The following AKAP13 variants were observed in gnomAD, a reference collection of about 807,000 sequenced individuals.
AKAP13 encodes the protein A-kinase anchor protein 13.
In AKAP13, 80 loss-of-function variants were observed where a neutral mutation model predicts 264.5. The observed-to-expected ratio is 0.30, with a 90% CI of 0.25 to 0.36. AKAP13 has a LOEUF of 0.36. AKAP13 is among the 10% of genes least tolerant of loss of function. The pLI is 1.00. For synonymous variants in AKAP13, 1,380 were observed against 1,250.2 expected, an observed-to-expected ratio of 1.10 and a Z score of -2.19; for missense variants, 3,712 against 3,435.2, an observed-to-expected ratio of 1.08 and a Z score of -2.01.
intron 3 of AKAP13, among the ~76,000 whole-genome samples, chr15:85,529,621 T>G (rs1023404023): frequency 1.8e-4 from 28 of 152,352 alleles, no homozygotes; most frequent in Admixed American, 1.4e-3. Context: ...CCCAGGTGCT[T>G]TATCAGAAAG....
rs555375249 is a variant in AKAP13, at chr15:85,662,480, C to T, written c.4800-2083C>T. On this transcript the variant is annotated intron_variant, in intron 12 of 36. Transcript: ENST00000394518. ...TATGATATTGTTATGTGTCCCGCCA[C>T]CAAATGGGGAACCATAAAATACGCC... The T allele has an allele frequency of 1.2e-5, 19 of 1,613,596 alleles. No homozygotes were observed. In the African/African-American group the frequency reaches 2.3e-4, roughly 19 times the overall value.
At chr15:85,533,465 G>A (rs2077302996) in intron 3 of AKAP13, 119 bp from the exon 4 acceptor site, 6 of 883,852 alleles carry the variant, frequency 6.8e-6, no homozygotes, top group Non-Finnish European at 9.7e-6. Flanking sequence ...AGGAAGGAGG[G>A]GGTGTTTTTT....
At chr15:85,465,399 G>A (rs1051411795) in intron 1 of AKAP13, among the ~76,000 whole-genome samples, 40 of 151,610 alleles carry the variant, frequency 2.6e-4, no homozygotes, top group African/African-American at 9.7e-4. Flanking sequence ...TGTGCACAAT[G>A]TGCAGGTTAG....
At chr15:85,733,745 GTT>G (rs1005828815) in intron 30 of AKAP13, among the ~76,000 whole-genome samples, 3 of 150,800 alleles carry the variant, frequency 2.0e-5, no homozygotes, top group African/African-American at 7.3e-5. Context: ...TTATATTCTA[GTT>G]TAGTTTTGAT....
intron 10 of AKAP13, among the ~76,000 whole-genome samples, chr15:85,648,936 G>A (rs966205178): frequency 1.1e-4 from 17 of 152,214 alleles, no homozygotes; most frequent in African/African-American, 4.1e-4. Flanking sequence ...GCATGCTTGA[G>A]AATGTCTGCA....
intron 1 of AKAP13, among the ~76,000 whole-genome samples, chr15:85,448,946 T>A (rs1237275973): frequency 6.6e-6 from 1 of 151,574 alleles, no homozygotes; most frequent in Non-Finnish European, 1.5e-5. Flanking sequence ...AAGAATGTCG[T>A]TGGTAGTTTA....
At chr15:85,397,108 T>C (rs1159072978) in intron 1 of AKAP13, among the ~76,000 whole-genome samples, 2 of 150,672 alleles carry the variant, frequency 1.3e-5, no homozygotes, top group Non-Finnish European at 3.0e-5. Context: ...AAAATACTTT[T>C]TAAGGTAATT....
chr15:85,581,725 G>C lies in AKAP13; in HGVS notation c.3657G>C (p.Pro1219=). 6.2e-7 allele frequency: 1 copy of C among 1,614,156 alleles called. No homozygotes were observed. The highest frequency in any genetic ancestry group is 8.5e-7 in the Non-Finnish European group (1 of 1,180,014). Residue 1219 remains proline, a synonymous_variant, in exon 7 of 37, where the codon CCG becomes CCC. Transcript: ENST00000394518. ...GTGTGAGGGAAGTCATGCGAGCCCC[G>C]CCTTCAGGCAGGGAAAGGAGCACTC... The part of the protein sequence containing the change: ...PAGVREVMRA[P]PSGRERSTPS...
Position 85,544,150 on chromosome 15 carries a change from CG to C in AKAP13, c.662+196del, listed in dbSNP as rs1176306335. On this transcript the variant is annotated intron_variant, in intron 5 of 36. Transcript: ENST00000394518. ...CATTGTCTGAGAGAGAAACGTAAGT[CG>C]TGTTAACCATTTTCTCTCTCGTCTG... is the stretch of plus-strand genomic sequence containing the variant. 115 of 719,334 alleles carry C rather than the reference CG, an allele frequency of 1.6e-4. No homozygotes were observed. The African/African-American group carries it at 1.9e-3, about 12-fold the overall frequency. The allele number at this position is 719,334 out of a possible 1,614,324, so 44.6% of individuals were successfully genotyped here.
chr15:85,650,768 AAAAAAAAAAAAAAAAAAAAAAAC>A (rs1324902094), intron 10 of AKAP13, among the ~76,000 whole-genome samples: 1 of 137,454 alleles, frequency 7.3e-6, no homozygotes, highest in Non-Finnish European at 1.6e-5. Flanking sequence ...AAAAAAAAAA[AAAAAAAAAAAAAAAAAAAAAAAC>A]AACAAAAACT....
chr15:85,524,311 G>A (rs911672768), intron 3 of AKAP13, among the ~76,000 whole-genome samples: 3 of 151,322 alleles, frequency 2.0e-5, no homozygotes, highest in African/African-American at 7.3e-5. Context: ...CTGAGCAGCT[G>A]GGATTACAGG....
chr15:85,569,949 C>T (rs550345100), intron 5 of AKAP13, among the ~76,000 whole-genome samples: 71 of 151,918 alleles, frequency 4.7e-4, no homozygotes, highest in African/African-American at 1.6e-3. Flanking sequence ...TGGTGGCGGG[C>T]GCCTGTAGTC....
rs2082580553 is a variant in AKAP13 at position 85,646,825 on chromosome 15, G to C, written c.4374+871G>C. 2.0e-5 allele frequency among the ~76,000 whole-genome samples: 3 copies of C among 152,284 alleles called. No homozygotes were observed. In the South Asian group the frequency reaches 6.2e-4, roughly 32 times the overall value. Reference sequence around the variant, plus strand: ...CTAAGGGAGGTGGGGAATGGGGGTAGTTTGCTTTCTTTTGCTTATATTTGT... The same window carrying C: ...CTAAGGGAGGTGGGGAATGGGGGTACTTTGCTTTCTTTTGCTTATATTTGT... On this transcript the variant is annotated intron_variant, in intron 10 of 36. Coordinates refer to ENST00000394518, the MANE Select transcript of AKAP13 (RefSeq NM_007200.5).
intron 14 of AKAP13, among the ~76,000 whole-genome samples, chr15:85,671,575 T>C (rs576637740): frequency 4.6e-5 from 7 of 151,758 alleles, no homozygotes; most frequent in Non-Finnish European, 1.0e-4. Flanking sequence ...CGGAGACTTA[T>C]TTTCAAAGAT....
Position 85,521,492 on chromosome 15 carries a change from A to G in AKAP13, c.98A>G (p.Tyr33Cys). 1.2e-6 allele frequency: 2 copies of G among 1,614,098 alleles called. No individual in the cohort carries two copies. The highest frequency in any genetic ancestry group is 3.3e-5 in the Admixed American group (2 of 60,020). The change falls in exon 3 of 37, where the codon TAC (tyrosine) becomes TGC (cysteine). Residue 33 changes from tyrosine (Y) to cysteine (C), a missense_variant. Physicochemically the swap from Tyr to Cys is radical, Grantham distance 194. Transcript: ENST00000394518. Reference protein sequence around the residue: ...EDKAEDDVVFYLVFLGSTLRH... With the variant: ...EDKAEDDVVFCLVFLGSTLRH... Reference sequence around the variant, plus strand: ...AAAGCTGAAGATGATGTAGTGTTTTACTTGGTATTTTTGGGTTCCACCCTC... The same window carrying G: ...AAAGCTGAAGATGATGTAGTGTTTTGCTTGGTATTTTTGGGTTCCACCCTC...
chr15:85,407,057 G>T (rs1212175200), intron 1 of AKAP13, among the ~76,000 whole-genome samples: 2 of 151,636 alleles, frequency 1.3e-5, no homozygotes, highest in Non-Finnish European at 2.9e-5. Context: ...GCTCATTGAA[G>T]AAATATTTAA....
chr15:85,418,080 A>ATTG (rs1242179217), intron 1 of AKAP13, among the ~76,000 whole-genome samples: 2 of 148,358 alleles, frequency 1.3e-5, no homozygotes, highest in African/African-American at 4.9e-5. Flanking sequence ...TATTATTATT[A>ATTG]TTATTATTAT....
At chr15:85,394,279 T>C (rs1428816627) in intron 1 of AKAP13, among the ~76,000 whole-genome samples, 1 of 152,228 alleles carries the variant, frequency 6.6e-6, no homozygotes, top group Non-Finnish European at 1.5e-5. Context: ...TTGGCTCATA[T>C]CAAACATGTT....
chr15:85,741,565 G>A, intron 35 of AKAP13, 70 bp downstream of exon 35: 1 of 1,483,716 alleles, frequency 6.7e-7, no homozygotes, highest in Non-Finnish European at 9.0e-7. Context: ...ATTAAGCAAG[G>A]TAAGAAAGTG....
Sources: gnomAD v4.1 joint callset for allele counts (sites outside exome capture counted in the v4.1 genomes callset) on GRCh38, gnomAD v4.1.1 for gene constraint, MANE v1.5 for transcripts, NCBI Gene and HGNC (gene_info 2026-07-23, HGNC 2026-07-21) for gene names.